The following MSH4 variants were observed in gnomAD, a reference collection of about 807,000 sequenced individuals.
MSH4 encodes the protein mutS protein homolog 4.
MSH4 carries 106 observed loss-of-function variants against 113.7 expected under a neutral mutation model. That is an observed-to-expected ratio of 0.93 (90% CI 0.80 to 1.10). MSH4 has a LOEUF of 1.10. Among genes scored for constraint, MSH4 ranks in the 50% least tolerant of loss-of-function variants. The probability of loss-of-function intolerance (pLI) is 0.00; values close to 1 mark genes in which losing one functional copy is unlikely to be tolerated. For missense variants in MSH4, 1,061 were observed against 1,093.7 expected (o/e 0.97, Z 0.42); for synonymous variants, 368 against 380.2 (o/e 0.97, Z 0.37).
Position 75,912,784 on chromosome 1 carries a change from A to G in MSH4, c.2708A>G (p.Gln903Arg). Residue 903 changes from glutamine to arginine, a missense_variant, in exon 20 of 20, where the codon CAA becomes CGA. Physicochemically the swap from Gln to Arg is conservative, Grantham distance 43. Transcript: ENST00000263187. ...TRLVQTARNS[Q>R]LDPDSLRIYL... ...CTTGTTCAAACTGCTCGAAACTCTC[A>G]ATTGGATCCAGACAGTTTACGAATA... The G allele has an allele frequency of 6.3e-7, 1 of 1,597,144 alleles. No individual in the cohort carries two copies. Among genetic ancestry groups the G allele is most frequent in the Admixed American group, 1.7e-5 (1 of 57,376 alleles).
At chr1:75,808,441 G>A (rs1650116079) in intron 3 of MSH4, among the ~76,000 whole-genome samples, 1 of 152,094 alleles carries the variant, frequency 6.6e-6, no homozygotes, top group Non-Finnish European at 1.5e-5. Flanking sequence ...CCTATGAAGT[G>A]TACTGTTCTG....
chr1:75,878,092 T>C, intron 10 of MSH4, 57 bp from the exon 11 acceptor site: 1 of 1,273,446 alleles, frequency 7.9e-7, no homozygotes, highest in Non-Finnish European at 1.1e-6. Flanking sequence ...AAATTATAAA[T>C]TAAAATAACT....
intron 4 of MSH4, among the ~76,000 whole-genome samples, chr1:75,813,345 CA>C (rs989294172): frequency 1.3e-5 from 2 of 152,114 alleles, no homozygotes; most frequent in South Asian, 2.1e-4. Flanking sequence ...CCTCCAAAGG[CA>C]AAAACAACAT....
intron 9 of MSH4, among the ~76,000 whole-genome samples, chr1:75,871,729 T>C (rs1419149576): frequency 2.6e-5 from 4 of 152,232 alleles, no homozygotes; most frequent in Admixed American, 2.0e-4. Flanking sequence ...ACACTACTTC[T>C]AGAGATTTGT....
intron 19 of MSH4, among the ~76,000 whole-genome samples, chr1:75,900,091 T>C (rs1652475925): frequency 6.6e-6 from 1 of 152,142 alleles, no homozygotes; most frequent in South Asian, 2.1e-4. Flanking sequence ...CTACTCATCA[T>C]ATGTAAGCCT....
chr1:75,844,423 C>T (rs1243844243), intron 7 of MSH4, among the ~76,000 whole-genome samples: 2 of 152,120 alleles, frequency 1.3e-5, no homozygotes, highest in African/African-American at 2.4e-5. Flanking sequence ...ATCTCCCTGG[C>T]TCAAGCCATC....
chr1:75,905,419 A>G (rs1207022953), intron 19 of MSH4, among the ~76,000 whole-genome samples: 1 of 151,990 alleles, frequency 6.6e-6, no homozygotes, highest in Non-Finnish European at 1.5e-5. Context: ...TATACTTCAT[A>G]GGGTTTCGAC....
At chr1:75,807,993 C>G (rs1433622546) in intron 3 of MSH4, among the ~76,000 whole-genome samples, 2 of 152,182 alleles carry the variant, frequency 1.3e-5, no homozygotes, top group African/African-American at 4.8e-5. Flanking sequence ...AGTTCGTTAT[C>G]ACAACATTGA....
At chr1:75,906,455 A>ACATT (rs1178505827) in intron 19 of MSH4, among the ~76,000 whole-genome samples, 1 of 4,300 alleles carries the variant, frequency 2.3e-4, no homozygotes, top group Non-Finnish European at 6.0e-4. Flanking sequence ...ATATATATAC[A>ACATT]ATATTATATA....
intron 8 of MSH4, among the ~76,000 whole-genome samples, chr1:75,854,578 G>C (rs1565718): frequency 0.96 from 146,602 of 152,198 alleles, 70,850 homozygotes; most frequent in East Asian, 1. Context: ...TATACCACCC[G>C]TCCGTCCTCT....
chr1:75,872,296 T>C (rs573374219), intron 9 of MSH4, among the ~76,000 whole-genome samples: 2 of 152,320 alleles, frequency 1.3e-5, no homozygotes, highest in African/African-American at 4.8e-5. Flanking sequence ...TACTGTTTTT[T>C]TGCTTATTGC....
intron 19 of MSH4, among the ~76,000 whole-genome samples, chr1:75,905,876 T>G (rs978223043): frequency 2.2e-4 from 33 of 152,174 alleles, no homozygotes; most frequent in African/African-American, 7.7e-4. Flanking sequence ...ACTCCTGCTC[T>G]TTTTTGGTTT....
intron 9 of MSH4, among the ~76,000 whole-genome samples, chr1:75,870,832 A>G (rs1046181379): frequency 6.6e-6 from 1 of 152,228 alleles, no homozygotes; most frequent in African/African-American, 2.4e-5. Context: ...AAAGACTTCA[A>G]AAATGTTTTC....
intron 4 of MSH4, among the ~76,000 whole-genome samples, 158 bp downstream of exon 4, chr1:75,810,965 G>C (rs897089330): frequency 1.3e-5 from 2 of 152,026 alleles, no homozygotes; most frequent in Non-Finnish European, 2.9e-5. Context: ...TCCAGCTCCC[G>C]AGTTCGAGTG....
intron 7 of MSH4, among the ~76,000 whole-genome samples, chr1:75,838,343 C>G (rs1049600011): frequency 7.2e-5 from 11 of 152,176 alleles, no homozygotes; most frequent in African/African-American, 2.7e-4. Flanking sequence ...ACTGATCCTC[C>G]TGCCACCCTC....
intron 6 of MSH4, 83 bp from the exon 7 acceptor site, chr1:75,822,326 T>C: frequency 1.2e-6 from 1 of 844,382 alleles, no homozygotes; most frequent in South Asian, 1.7e-5. Flanking sequence ...CTGTAGATTA[T>C]AGGATTATTT....
rs1361488300 is a variant in MSH4 at position 75,899,650 on chromosome 1, C to T, written c.2563C>T (p.Pro855Ser). The T allele has an allele frequency of 6.6e-7, 1 of 1,510,894 alleles. No individual in the cohort carries two copies. Among genetic ancestry groups the T allele is most frequent in the Admixed American group, 2.4e-5 (1 of 41,060 alleles). 93.6% of individuals were successfully genotyped at this position (1,510,894 alleles called of 1,614,324 possible). A position where few individuals can be genotyped will look rare whatever the true frequency, so the allele number is the denominator to read the frequency against. The stretch of plus-strand genomic sequence containing the variant: ...AGCTGCAGAGGTGTCATCACTTCCA[C>T]CATCAATTGTCTTGGATGCCAAGGA... ...LKAAEVSSLP[P>S]SIVLDAKEIT... The change falls in exon 19 of 20, where the codon CCA (proline) becomes TCA (serine). Residue 855 changes from proline (P) to serine (S), a missense_variant. Coordinates refer to ENST00000263187, the MANE Select transcript of MSH4 (RefSeq NM_002440.4).
chr1:75,865,431 C>T (rs987548356), intron 8 of MSH4, among the ~76,000 whole-genome samples: 4 of 152,052 alleles, frequency 2.6e-5, no homozygotes, highest in African/African-American at 9.7e-5. Context: ...AACATGGAGA[C>T]ACTAATGCTA....
chr1:75,852,077 T>A (rs185572937), intron 8 of MSH4, among the ~76,000 whole-genome samples: 23 of 152,330 alleles, frequency 1.5e-4, no homozygotes, highest in African/African-American at 5.3e-4. Flanking sequence ...AGTAATCTAT[T>A]GTCTGTCTCT....
Sources: gnomAD v4.1 joint callset for allele counts (sites outside exome capture counted in the v4.1 genomes callset) on GRCh38, gnomAD v4.1.1 for gene constraint, MANE v1.5 for transcripts, NCBI Gene and HGNC (gene_info 2026-07-23, HGNC 2026-07-21) for gene names.